The following PKHD1 variants were observed in gnomAD, a reference collection of about 807,000 sequenced individuals.
The protein encoded by PKHD1 is fibrocystin.
In PKHD1, 291 loss-of-function variants were observed where a neutral mutation model predicts 412.0. The observed-to-expected ratio is 0.71, with a 90% CI of 0.64 to 0.78. PKHD1 has a LOEUF of 0.78. Ranked by LOEUF, PKHD1 falls within the 30% of genes least tolerant of loss-of-function variation. PKHD1 has a pLI of 0.00. For synonymous variants in PKHD1, 1,777 were observed against 1,821.5 expected (o/e 0.98, Z 0.62); for missense variants, 4,825 against 4,950.7 (o/e 0.97, Z 0.76).
At position 51,988,025 on chromosome 6, in the gene PKHD1, T is replaced by C. The variant is rs562045859; in HGVS notation, c.5751+22284A>G. Reference sequence around the variant, plus strand: ...AAAGGCTAACTCAGTGCCTGACATATAACAGGTGTTTGGTAAGTATCATTG... The same window carrying C: ...AAAGGCTAACTCAGTGCCTGACATACAACAGGTGTTTGGTAAGTATCATTG... On this transcript the variant is annotated intron_variant, in intron 35 of 66. Coordinates refer to ENST00000371117, the MANE Select transcript of PKHD1 (RefSeq NM_138694.4). Among the ~76,000 whole-genome samples the C allele has an allele frequency of 5.0e-4, 76 of 152,354 alleles. 1 individual carries two copies. Among genetic ancestry groups the C allele is most frequent in the African/African-American group, 1.8e-3 (76 of 41,592 alleles).
At chr6:52,045,920 C>T in intron 24 of PKHD1, 84 bp downstream of exon 24, 1 of 909,732 alleles carries the variant, frequency 1.1e-6, no homozygotes, top group South Asian at 1.4e-5. Context: ...ATGACAGTTT[C>T]CATTTGTATA....
chr6:51,940,253 C>A (rs1270859734), intron 36 of PKHD1, among the ~76,000 whole-genome samples: 2 of 151,704 alleles, frequency 1.3e-5, no homozygotes, highest in African/African-American at 2.4e-5. Context: ...TCAAACCCCA[C>A]AACAGGACTT....
intron 55 of PKHD1, among the ~76,000 whole-genome samples, chr6:51,763,775 C>T (rs887391129): frequency 6.6e-6 from 1 of 151,972 alleles, no homozygotes; most frequent in African/African-American, 2.4e-5. Context: ...ACTACAATTA[C>T]ACTGTCTCTT....
intron 29 of PKHD1, among the ~76,000 whole-genome samples, chr6:52,029,005 T>TAGAA (rs747170348): frequency 6.7e-4 from 102 of 152,364 alleles, no homozygotes; most frequent in Admixed American, 2.2e-3. Flanking sequence ...TTTCTACTGG[T>TAGAA]AGAAGTCTGA....
chr6:51,805,177 G>A (rs913844330), intron 52 of PKHD1, among the ~76,000 whole-genome samples: 1 of 152,116 alleles, frequency 6.6e-6, no homozygotes, highest in Non-Finnish European at 1.5e-5. Flanking sequence ...GTACACATAT[G>A]CCATGGAACA....
intron 61 of PKHD1, among the ~76,000 whole-genome samples, chr6:51,650,857 T>TAA (rs1319051364): frequency 2.6e-5 from 4 of 152,104 alleles, no homozygotes; most frequent in Non-Finnish European, 5.9e-5. Flanking sequence ...TGGCTAGGGC[T>TAA]TCTTTCCTTT....
chr6:51,620,616 T>A (rs1030009581), intron 66 of PKHD1, among the ~76,000 whole-genome samples: 1 of 151,982 alleles, frequency 6.6e-6, no homozygotes, highest in African/African-American at 2.4e-5. Context: ...AAGCTTTTTG[T>A]TATTTTTTTC....
At chr6:51,652,089 C>G (rs1368713057) in intron 61 of PKHD1, among the ~76,000 whole-genome samples, 1 of 152,200 alleles carries the variant, frequency 6.6e-6, no homozygotes, top group Admixed American at 6.6e-5. Context: ...GAAGGACCTA[C>G]AGCCAAACTT....
At chr6:51,637,515 A>G (rs1768735633) in intron 64 of PKHD1, among the ~76,000 whole-genome samples, 2 of 152,202 alleles carry the variant, frequency 1.3e-5, no homozygotes, top group South Asian at 4.1e-4. Flanking sequence ...CAGGAAGAAC[A>G]TGAAACTGGT....
At chr6:51,646,323 GA>G (rs756349790) in intron 63 of PKHD1, among the ~76,000 whole-genome samples, 13 of 152,180 alleles carry the variant, frequency 8.5e-5, no homozygotes, top group Non-Finnish European at 1.8e-4. Flanking sequence ...CCCTTGTGCA[GA>G]GAGGAAACCC....
intron 60 of PKHD1, among the ~76,000 whole-genome samples, chr6:51,720,464 T>G (rs1288671083): frequency 6.6e-6 from 1 of 152,130 alleles, no homozygotes; most frequent in Non-Finnish European, 1.5e-5. Flanking sequence ...CTTTCTTACT[T>G]GGGGTTTCCA....
At chr6:52,085,169 A>G (rs945160728) in intron 1 of PKHD1, among the ~76,000 whole-genome samples, 152 bp from the exon 2 acceptor site, 3 of 152,306 alleles carry the variant, frequency 2.0e-5, no homozygotes, top group East Asian at 1.9e-4. Flanking sequence ...TCAGGAGAAA[A>G]GGATCATCTG....
At chr6:51,809,092 A>G (rs930874079) in intron 52 of PKHD1, among the ~76,000 whole-genome samples, 2 of 152,176 alleles carry the variant, frequency 1.3e-5, no homozygotes, top group Non-Finnish European at 2.9e-5. Flanking sequence ...AAGATACAAA[A>G]TAAAGCAAAT....
chr6:51,635,880 GGC>G, intron 64 of PKHD1, among the ~76,000 whole-genome samples: 1 of 123,396 alleles, frequency 8.1e-6, no homozygotes. Context: ...GGGGGCCGGG[GGC>G]GGATTTGTGG....
Position 51,660,909 on chromosome 6 carries a change from T to C in PKHD1, c.10157-940A>G, listed in dbSNP as rs564554706. Among the ~76,000 whole-genome samples, 4 of 152,110 alleles carry C rather than the reference T, an allele frequency of 2.6e-5. No homozygotes were observed. In the South Asian group the frequency reaches 8.3e-4, roughly 32 times the overall value. On this transcript the variant is annotated intron_variant, in intron 60 of 66. Transcript: ENST00000371117. ...TGATCGACTCAACCTTCAGACTCTC[T>C]CCCTTCCCCTGAAATGGGGATGGTG...
rs564815142 is a variant in PKHD1, at chr6:51,616,664, A to G, written c.*2417T>C. On this transcript the variant is annotated 3_prime_UTR_variant, in exon 67 of 67. Coordinates refer to ENST00000371117, the MANE Select transcript of PKHD1 (RefSeq NM_138694.4). ...GTTTATAGCTGCTATTTAGGCCCAA[A>G]GAGTCAATTCTGGCCTCAGGGATCA... 4.5e-5 allele frequency: 18 copies of G among 398,406 alleles called. No individual in the cohort carries two copies. In the Middle Eastern group the frequency reaches 1.9e-3, roughly 42 times the overall value. 24.7% of individuals were successfully genotyped at this position (398,406 alleles called of 1,614,324 possible). A position where few individuals can be genotyped will look rare whatever the true frequency, so the allele number is the denominator to read the frequency against.
intron 36 of PKHD1, among the ~76,000 whole-genome samples, chr6:51,935,358 G>T (rs751887487): frequency 6.6e-6 from 1 of 151,844 alleles, no homozygotes; most frequent in African/African-American, 2.4e-5. Flanking sequence ...TCTTTAAAAG[G>T]CTTTAGAATG....
chr6:51,847,654 A>G (rs1256893454), intron 50 of PKHD1, 121 bp downstream of exon 50: 9 of 791,556 alleles, frequency 1.1e-5, no homozygotes, highest in Admixed American at 5.8e-5. Context: ...TCACTCAACC[A>G]TAACACACAG....
At chr6:51,676,948 G>A (rs955234556) in intron 60 of PKHD1, among the ~76,000 whole-genome samples, 3 of 152,110 alleles carry the variant, frequency 2.0e-5, no homozygotes, top group Non-Finnish European at 2.9e-5. Context: ...ATGTTCTTAA[G>A]CAGAATAGAT....
Sources: gnomAD v4.1 joint callset for allele counts (sites outside exome capture counted in the v4.1 genomes callset) on GRCh38, gnomAD v4.1.1 for gene constraint, MANE v1.5 for transcripts, NCBI Gene and HGNC (gene_info 2026-07-23, HGNC 2026-07-21) for gene names.